Variants in SPEF2 observed in about 807,000 individuals in gnomAD.
The protein encoded by SPEF2 is sperm flagellar and cilia associated 2.
Under a neutral mutation model 224.6 loss-of-function variants are expected in SPEF2, and 187 were observed. The observed-to-expected ratio is 0.83, with a 90% CI of 0.74 to 0.94. The LOEUF (loss-of-function observed/expected upper bound fraction) is 0.94. Ranked by LOEUF, SPEF2 falls within the 40% of genes least tolerant of loss-of-function variation. The pLI is 0.00. For missense variants in SPEF2, 2,170 were observed against 2,135.6 expected (o/e 1.02, Z -0.32); for synonymous variants, 715 against 707.3 (o/e 1.01, Z -0.17).
chr5:35,802,868 T>C (rs927592491), intron 34 of SPEF2, among the ~76,000 whole-genome samples: 12 of 152,080 alleles, frequency 7.9e-5, no homozygotes, highest in Non-Finnish European at 1.5e-4. Flanking sequence ...TGAGAAGTCA[T>C]TGGAAGGGTG....
chr5:35,697,010 G>A (rs1424462272), intron 14 of SPEF2, among the ~76,000 whole-genome samples: 2 of 152,094 alleles, frequency 1.3e-5, no homozygotes. Flanking sequence ...AAAAGAATCA[G>A]GTCAGTCAGG....
At chr5:35,645,444 C>G (rs79982338) in intron 4 of SPEF2, among the ~76,000 whole-genome samples, 186 of 152,232 alleles carry the variant, frequency 1.2e-3, no homozygotes, top group African/African-American at 4.3e-3. Context: ...CCTCAGAGTT[C>G]AGAATTGAAC....
At chr5:35,681,932 G>A (rs900800924) in intron 10 of SPEF2, among the ~76,000 whole-genome samples, 11 of 152,146 alleles carry the variant, frequency 7.2e-5, no homozygotes, top group Admixed American at 3.3e-4. Context: ...CTTCCTGGAC[G>A]TCTTGAATAG....
rs952083747 is a variant in SPEF2, at chr5:35,767,787, G to A, written c.3802-3822G>A. The stretch of plus-strand genomic sequence containing the variant: ...TATAAATGGGATATGATGTGTATAA[G>A]GATACTAAAATGATTTTTCATTATT... On this transcript the variant is annotated intron_variant, in intron 26 of 36. Coordinates refer to ENST00000356031, the MANE Select transcript of SPEF2 (RefSeq NM_024867.4). 2.6e-5 allele frequency among the ~76,000 whole-genome samples: 4 copies of A among 151,954 alleles called. 1 individual carries two copies. Among genetic ancestry groups the A allele is most frequent in the Non-Finnish European group, 5.9e-5 (4 of 67,932 alleles).
At chr5:35,791,563 C>T (rs1291278338) in intron 30 of SPEF2, 1 of 152,104 alleles carries the variant, frequency 6.6e-6, no homozygotes, top group African/African-American at 2.4e-5. Context: ...GGAGTCTCTC[C>T]TTGTTCTAGA....
chr5:35,686,605 A>G (rs1386234854), intron 10 of SPEF2, among the ~76,000 whole-genome samples: 1 of 152,142 alleles, frequency 6.6e-6, no homozygotes, highest in Non-Finnish European at 1.5e-5. Flanking sequence ...CAATAAATCA[A>G]TATACTAATT....
Position 35,779,244 on chromosome 5 carries a change from C to T in SPEF2, c.4345C>T (p.Pro1449Ser). The T allele has an allele frequency of 1.9e-6, 3 of 1,613,948 alleles. No homozygotes were observed. Among genetic ancestry groups the T allele is most frequent in the Non-Finnish European group, 2.5e-6 (3 of 1,179,884 alleles). The change falls in exon 30 of 37, where the codon CCA (proline) becomes TCA (serine). Residue 1449 changes from proline to serine, a missense_variant. Physicochemically the swap from Pro to Ser is moderately conservative, Grantham distance 74 (BLOSUM62 -1). Coordinates refer to ENST00000356031, the MANE Select transcript of SPEF2 (RefSeq NM_024867.4). ...TATAAAAGTCTTCCCAGATCCTCCCCCATCAATACGTCCTCCACCTGTAGA... is the reference window on the plus strand; with the variant it reads ...TATAAAAGTCTTCCCAGATCCTCCCTCATCAATACGTCCTCCACCTGTAGA... ...GNIKVFPDPP[P>S]SIRPPPVEKE...
intron 1 of SPEF2, among the ~76,000 whole-genome samples, chr5:35,619,058 C>T (rs1054653869): frequency 1.3e-5 from 2 of 152,158 alleles, no homozygotes; most frequent in African/African-American, 4.8e-5. Context: ...TATTAATACT[C>T]TCAGCATGAG....
chr5:35,631,323 A>G (rs754576769), intron 2 of SPEF2, among the ~76,000 whole-genome samples: 6 of 152,246 alleles, frequency 3.9e-5, no homozygotes, highest in Non-Finnish European at 5.9e-5. Flanking sequence ...ACATGTGGGA[A>G]TTATGGGAGC....
chr5:35,703,154 A>G (rs1739029712), intron 16 of SPEF2, among the ~76,000 whole-genome samples: 1 of 151,676 alleles, frequency 6.6e-6, no homozygotes, highest in South Asian at 2.1e-4. Context: ...CTCTCTATAT[A>G]TATATGAAAG....
At chr5:35,735,265 A>G (rs1196045457) in intron 21 of SPEF2, among the ~76,000 whole-genome samples, 1 of 152,192 alleles carries the variant, frequency 6.6e-6, no homozygotes, top group Admixed American at 6.5e-5. Flanking sequence ...TAAGACACAT[A>G]AGTAATGATA....
rs1487955589 is a variant in SPEF2, at chr5:35,806,767, A to G, written c.5071A>G (p.Arg1691Gly). 6.2e-7 allele frequency: 1 copy of G among 1,613,938 alleles called. No homozygotes were observed. Among genetic ancestry groups the G allele is most frequent in the Non-Finnish European group, 8.5e-7 (1 of 1,179,976 alleles). ...TCCTGAACCTGAGGAAAATGCTGCAAGAGAAGAAAGGAAATTAAAAGACGA... is the reference window on the plus strand; with the variant it reads ...TCCTGAACCTGAGGAAAATGCTGCAGGAGAAGAAAGGAAATTAAAAGACGA... Reference protein sequence around the residue: ...EFPEPEENAAREERKLKDDTE... With the variant: ...EFPEPEENAAGEERKLKDDTE... Residue 1691 changes from arginine (R) to glycine (G), a missense_variant, in exon 35 of 37, where the codon AGA becomes GGA. By Grantham distance (125) the Arg-to-Gly change is moderately radical (BLOSUM62 -2). Transcript: ENST00000356031.
rs200030291 is a variant in SPEF2, at chr5:35,712,827, A to G, written c.2855A>G (p.Lys952Arg). ...GKPQSEAPHG[K>R]QESLQEGKGK... ...TTTTGTTTAGAAGCCCCGCATGGTAAGCAAGAATCTCTTCAGGAAGGAAAA... is the reference window on the plus strand; with the variant it reads ...TTTTGTTTAGAAGCCCCGCATGGTAGGCAAGAATCTCTTCAGGAAGGAAAA... The change falls in exon 20 of 37, where the codon AAG (lysine) becomes AGG (arginine). Residue 952 changes from lysine to arginine, a missense_variant. Physicochemically the swap from Lys to Arg is conservative, Grantham distance 26. Transcript: ENST00000356031. The G allele has an allele frequency of 1.9e-6, 3 of 1,613,944 alleles. No homozygotes were observed. The highest frequency in any genetic ancestry group is 2.7e-5 in the African/African-American group (2 of 75,068).
Position 35,712,373 on chromosome 5 carries a change from G to A in SPEF2, c.2840-439G>A, listed in dbSNP as rs548151660. ...ACCTCATCAATAGCCGGGACTACAG[G>A]TGCATGTCACTGTACCTGGCTTTGG... On this transcript the variant is annotated intron_variant, in intron 19 of 36. Transcript: ENST00000356031. 4.1e-4 allele frequency among the ~76,000 whole-genome samples: 62 copies of A among 152,192 alleles called. 1 individual carries two copies. The highest frequency in any genetic ancestry group is 1.4e-3 in the African/African-American group (60 of 41,522).
At chr5:35,711,837 G>A (rs1423592637) in intron 19 of SPEF2, among the ~76,000 whole-genome samples, 2 of 152,100 alleles carry the variant, frequency 1.3e-5, no homozygotes, top group African/African-American at 4.8e-5. Context: ...ATAGGTTAAA[G>A]GGAGTCTGTC....
chr5:35,728,864 A>G (rs1453566199), intron 21 of SPEF2, among the ~76,000 whole-genome samples: 3 of 151,962 alleles, frequency 2.0e-5, no homozygotes, highest in South Asian at 2.1e-4. Flanking sequence ...ACTTTAATAT[A>G]TATACTAATA....
chr5:35,680,943 A>G (rs1382462171), intron 10 of SPEF2, among the ~76,000 whole-genome samples: 1 of 152,142 alleles, frequency 6.6e-6, no homozygotes, highest in Non-Finnish European at 1.5e-5. Flanking sequence ...TATTTCTAAT[A>G]ATCTTCCAAT....
chr5:35,667,154 G>C lies in SPEF2; in HGVS notation c.1250G>C (p.Arg417Thr). 1 of 1,612,484 alleles carries C rather than the reference G, an allele frequency of 6.2e-7. No individual in the cohort carries two copies. The highest frequency in any genetic ancestry group is 8.5e-7 in the Non-Finnish European group (1 of 1,179,426). ...TTTCATGATCAGATTGCTGTGGAAA[G>C]AGCTCAAGCTCGTTATGAAAAGCAT... ...KRFHDQIAVERAQARYEKHYS... is the reference protein window; with the variant it reads ...KRFHDQIAVETAQARYEKHYS... The change falls in exon 9 of 37, where the codon AGA (arginine) becomes ACA (threonine). Residue 417 changes from arginine to threonine, a missense_variant. Physicochemically the swap from Arg to Thr is moderately conservative, Grantham distance 71 (BLOSUM62 -1). Coordinates refer to ENST00000356031, the MANE Select transcript of SPEF2 (RefSeq NM_024867.4).
intron 2 of SPEF2, among the ~76,000 whole-genome samples, chr5:35,630,914 C>T (rs564746511): frequency 1.3e-5 from 2 of 152,224 alleles, no homozygotes; most frequent in African/African-American, 2.4e-5. Flanking sequence ...AGTAAAAAGA[C>T]AATCCAATTT....
Sources: gnomAD v4.1 joint callset for allele counts (sites outside exome capture counted in the v4.1 genomes callset) on GRCh38, gnomAD v4.1.1 for gene constraint, MANE v1.5 for transcripts, NCBI Gene and HGNC (gene_info 2026-07-23, HGNC 2026-07-21) for gene names.